AVEN: variants seen among roughly 807,000 people sequenced by gnomAD.
The protein encoded by AVEN is cell death regulator Aven.
AVEN carries 41 observed loss-of-function variants against 38.1 expected under a neutral mutation model. The observed-to-expected ratio is 1.08, with a 90% CI of 0.84 to 1.40. The LOEUF is 1.40. AVEN is among the 40% of genes most tolerant of loss of function. The pLI is 0.00. For synonymous variants in AVEN, 206 were observed against 171.8 expected (o/e 1.20, Z -1.56); for missense variants, 605 against 438.8 (o/e 1.38, Z -3.38).
At chr15:34,023,781 A>G (rs543572043) in intron 1 of AVEN, among the ~76,000 whole-genome samples, 2 of 152,324 alleles carry the variant, frequency 1.3e-5, no homozygotes, top group South Asian at 4.1e-4. Context: ...TAGCAACTAA[A>G]AAGACCTAAT....
At chr15:33,924,970 CAT>C (rs1369030313) in intron 2 of AVEN, among the ~76,000 whole-genome samples, 3 of 152,098 alleles carry the variant, frequency 2.0e-5, no homozygotes, top group Admixed American at 2.0e-4. Context: ...ACTGGTTAAA[CAT>C]ATTTTTAGAA....
chr15:34,025,917 T>TA (rs1898448691), intron 1 of AVEN, among the ~76,000 whole-genome samples: 1 of 152,254 alleles, frequency 6.6e-6, no homozygotes, highest in African/African-American at 2.4e-5. Flanking sequence ...CACCCAGAGA[T>TA]AATCCTTACA....
At chr15:33,890,887 C>A (rs756905892) in intron 2 of AVEN, among the ~76,000 whole-genome samples, 1 of 152,116 alleles carries the variant, frequency 6.6e-6, no homozygotes, top group Non-Finnish European at 1.5e-5. Context: ...TGAAGAGGAT[C>A]ATGAGAGCCC....
intron 1 of AVEN, among the ~76,000 whole-genome samples, chr15:34,072,171 A>C (rs955192127): frequency 4.6e-5 from 7 of 152,100 alleles, no homozygotes; most frequent in Non-Finnish European, 1.0e-4. Context: ...CAAGAGGCTG[A>C]GGCGGGAGGA....
intron 2 of AVEN, among the ~76,000 whole-genome samples, chr15:33,877,906 A>T (rs1345206507): frequency 6.6e-6 from 1 of 152,166 alleles, no homozygotes; most frequent in Non-Finnish European, 1.5e-5. Context: ...CCAAAATCAC[A>T]CCACTGCACT....
At chr15:33,926,474 A>C (rs1257850485) in intron 2 of AVEN, among the ~76,000 whole-genome samples, 1 of 152,084 alleles carries the variant, frequency 6.6e-6, no homozygotes, top group East Asian at 1.9e-4. Context: ...CTATTTATTG[A>C]CAGGTTATTT....
Position 34,038,280 on chromosome 15 carries a change from C to G in AVEN, c.267+500G>C, listed in dbSNP as rs567761302. 3.3e-5 allele frequency among the ~76,000 whole-genome samples: 5 copies of G among 152,352 alleles called. No homozygotes were observed. The South Asian group carries it at 1.0e-3, about 32-fold the overall frequency. ...AGGGGTCATTCTTTCACTCAACAAA[C>G]TTTTTATTATGCGCCTACTGTGTAC... is the stretch of plus-strand genomic sequence containing the variant. On this transcript the variant is annotated intron_variant, in intron 1 of 5. Coordinates refer to ENST00000306730, the MANE Select transcript of AVEN (RefSeq NM_020371.3).
At chr15:33,872,010 C>T (rs1890983016) in intron 3 of AVEN, among the ~76,000 whole-genome samples, 1 of 152,188 alleles carries the variant, frequency 6.6e-6, no homozygotes, top group African/African-American at 2.4e-5. Flanking sequence ...ACCCAGCTCC[C>T]ATGTCAGCCT....
intron 1 of AVEN, among the ~76,000 whole-genome samples, chr15:34,038,306 TA>T (rs1199948055): frequency 1.4e-4 from 22 of 152,240 alleles, no homozygotes. Flanking sequence ...TACTGTGTAC[TA>T]GGCATTGCAC....
chr15:33,867,687 T>G lies in AVEN; in HGVS notation c.781A>C (p.Ser261Arg), dbSNP rs1369806740. 6.2e-7 allele frequency: 1 copy of G among 1,614,170 alleles called. No individual in the cohort carries two copies. Among genetic ancestry groups the G allele is most frequent in the Non-Finnish European group, 8.5e-7 (1 of 1,180,022 alleles). The change falls in exon 5 of 6, where the codon AGC becomes CGC. Residue 261 changes from serine to arginine, a missense_variant. Transcript: ENST00000306730. Reference sequence around the variant, plus strand: ...TGAGAATCCCTTGAAGGACCCGGGCTTGGGTTGTCTTTGCCCAGCAACACA... The same window carrying G: ...TGAGAATCCCTTGAAGGACCCGGGCGTGGGTTGTCTTTGCCCAGCAACACA... Reference protein sequence around the residue: ...CPVLLGKDNPSPGPSRDSQKP... With the variant: ...CPVLLGKDNPRPGPSRDSQKP...
intron 1 of AVEN, among the ~76,000 whole-genome samples, chr15:34,026,785 G>C (rs994113987): frequency 6.6e-6 from 1 of 152,142 alleles, no homozygotes; most frequent in Non-Finnish European, 1.5e-5. Flanking sequence ...GAAAAAGTAA[G>C]TCGCTCACAT....
At chr15:33,923,372 T>C (rs966337453) in intron 2 of AVEN, among the ~76,000 whole-genome samples, 1 of 152,244 alleles carries the variant, frequency 6.6e-6, no homozygotes, top group African/African-American at 2.4e-5. Context: ...TGAAGAGTAG[T>C]AAGTTAATTC....
intron 2 of AVEN, chr15:33,991,007 T>G (rs977211780): frequency 6.6e-6 from 1 of 152,104 alleles, no homozygotes; most frequent in Non-Finnish European, 1.5e-5. Flanking sequence ...TGGCAACTGA[T>G]GAGTAGAAAA....
chr15:33,859,742 C>A, intron 11 of AVEN: 1 of 1,600,712 alleles, frequency 6.2e-7, no homozygotes, highest in Non-Finnish European at 8.5e-7. Context: ...GTATGATTGC[C>A]AATTGTGTTG....
chr15:33,952,673 T>C (rs1320320037), intron 2 of AVEN, among the ~76,000 whole-genome samples: 1 of 152,098 alleles, frequency 6.6e-6, no homozygotes, highest in East Asian at 1.9e-4. Flanking sequence ...CCTAATCTTC[T>C]GAGATTGTTG....
In AVEN at chr15:33,875,969, C is replaced by T; in HGVS notation, c.472G>A (p.Ala158Thr). 6.2e-7 allele frequency: 1 copy of T among 1,612,944 alleles called. No individual in the cohort carries two copies. The highest frequency in any genetic ancestry group is 8.5e-7 in the Non-Finnish European group (1 of 1,179,830). Residue 158 changes from alanine to threonine, a missense_variant, in exon 3 of 6, where the codon GCT becomes ACT. Coordinates refer to ENST00000306730, the MANE Select transcript of AVEN (RefSeq NM_020371.3). Reference protein sequence around the residue: ...AGDSFSQFRFAEEKEWDSEAS... With the variant: ...AGDSFSQFRFTEEKEWDSEAS... The stretch of plus-strand genomic sequence containing the variant: ...TCACTATCCCATTCTTTCTCCTCAG[C>T]AAACCGGAACTGTGAGAATGAGTCC...
At chr15:34,018,114 T>TA (rs1001176651) in intron 1 of AVEN, 2 of 152,208 alleles carry the variant, frequency 1.3e-5, no homozygotes, top group Admixed American at 1.3e-4. Flanking sequence ...ACTTACTTCT[T>TA]AAAAAAGCTA....
At chr15:34,070,811 G>A (rs561125482) in intron 1 of AVEN, among the ~76,000 whole-genome samples, 1 of 152,330 alleles carries the variant, frequency 6.6e-6, no homozygotes, top group South Asian at 2.1e-4. Context: ...AGAGGGCACA[G>A]CCAGTATTAT....
chr15:34,003,948 G>A (rs1166441455), intron 1 of AVEN, among the ~76,000 whole-genome samples: 1 of 152,168 alleles, frequency 6.6e-6, no homozygotes, highest in African/African-American at 2.4e-5. Flanking sequence ...AATATTGAGA[G>A]GAGACAAATT....
Sources: gnomAD v4.1 joint callset for allele counts (sites outside exome capture counted in the v4.1 genomes callset) on GRCh38, gnomAD v4.1.1 for gene constraint, MANE v1.5 for transcripts, NCBI Gene and HGNC (gene_info 2026-07-23, HGNC 2026-07-21) for gene names.